Variants in SEPTIN8 observed in about 807,000 individuals in gnomAD.
SEPTIN8 encodes septin-8.
A neutral mutation model predicts 53.1 loss-of-function variants in SEPTIN8; 22 were observed. That is an observed-to-expected ratio of 0.41 (90% CI 0.30 to 0.59). The LOEUF is 0.59. Ranked by LOEUF, SEPTIN8 falls within the 20% of genes least tolerant of loss-of-function variation. SEPTIN8 has a pLI of 0.24. For missense variants in SEPTIN8, 536 were observed against 638.7 expected, an observed-to-expected ratio of 0.84 and a Z score of 1.73; for synonymous variants, 228 against 248.4, an observed-to-expected ratio of 0.92 and a Z score of 0.77.
chr5:132,777,406 G>A (rs1297254585), upstream of SEPTIN8: 1 of 1,007,316 alleles, frequency 9.9e-7, no homozygotes, highest in Non-Finnish European at 1.2e-6. The surrounding 1 kb of genome is among the most constrained non-coding windows in gnomAD (Gnocchi z 4.1). Flanking sequence ...GCGGCGAGGC[G>A]GGAGGTGCCA....
intron 1 of SEPTIN8, among the ~76,000 whole-genome samples, chr5:132,767,587 T>C (rs933956379): frequency 6.6e-6 from 1 of 152,136 alleles, no homozygotes; most frequent in African/African-American, 2.4e-5. Context: ...CTGTTCTTCC[T>C]TCCCTCCCAT....
At chr5:132,779,701 C>T (rs929753487), upstream of SEPTIN8, among the ~76,000 whole-genome samples, 1 of 152,182 alleles carries the variant, frequency 6.6e-6, no homozygotes, top group African/African-American at 2.4e-5. Flanking sequence ...AAAGACCCTT[C>T]CCTAACTTCA....
chr5:132,754,071 G>T (rs950523263), intron 9 of SEPTIN8: 1 of 172,534 alleles, frequency 5.8e-6, no homozygotes, highest in Middle Eastern at 2.5e-3. Context: ...TACTATAATT[G>T]TCTATATTAT....
At chr5:132,766,189 G>A (rs1021366481) in intron 1 of SEPTIN8, among the ~76,000 whole-genome samples, 2 of 152,328 alleles carry the variant, frequency 1.3e-5, no homozygotes, top group Admixed American at 6.5e-5. Flanking sequence ...TCAGGGGTGG[G>A]TTTCAAAGGG....
intron 9 of SEPTIN8, chr5:132,758,346 C>A: frequency 7.2e-7 from 1 of 1,395,566 alleles, no homozygotes. Context: ...TAAAATTAAG[C>A]TGTAGGTTAG....
intron 9 of SEPTIN8, chr5:132,757,264 T>A: frequency 1.0e-6 from 1 of 985,436 alleles, no homozygotes; most frequent in Non-Finnish European, 1.2e-6. Flanking sequence ...CATAAAAAGT[T>A]GAATTGTCAC....
Position 132,761,704 on chromosome 5 carries a change from G to A in SEPTIN8, c.794-78C>T. The A allele has an allele frequency of 2.5e-6, 4 of 1,589,974 alleles. No individual in the cohort carries two copies. In the South Asian group the frequency reaches 4.6e-5, roughly 18 times the overall value. On this transcript the variant is annotated intron_variant, in intron 6 of 9. Coordinates refer to ENST00000378719, the MANE Select transcript of SEPTIN8 (RefSeq NM_001098811.2). The surrounding 1 kb of genome is among the most constrained non-coding windows in gnomAD (Gnocchi z 5.8). ...CCAGAGTCAGGGTAGGCACGCAGGT[G>A]GGCATGAGGAGGAAACAGCACAGGG...
rs1164794449 is a variant in SEPTIN8 at position 132,751,250 on chromosome 5, T to C, written c.*766A>G. 9.9e-6 allele frequency: 4 copies of C among 403,774 alleles called. No individual in the cohort carries two copies. The highest frequency in any genetic ancestry group is 6.1e-5 in the African/African-American group (3 of 48,942). 25.0% of individuals were successfully genotyped at this position (403,774 alleles called of 1,614,324 possible). A position where few individuals can be genotyped will look rare whatever the true frequency, so the allele number is the denominator to read the frequency against. On this transcript the variant is annotated 3_prime_UTR_variant, in exon 10 of 10. Transcript: ENST00000378719. ...AGATTTTTAGACGGCACTATTATGG[T>C]GAGTTTCTCTTTTAAATACACACTG...
Position 132,752,054 on chromosome 5 carries a change from G to A in SEPTIN8, c.1414C>T (p.Leu472=). 1 of 1,610,312 alleles carries A rather than the reference G, an allele frequency of 6.2e-7. No homozygotes were observed. The highest frequency in any genetic ancestry group is 8.5e-7 in the Non-Finnish European group (1 of 1,178,432). ...WWPAIQCCSC[L]VRDATWREGF... The stretch of plus-strand genomic sequence containing the variant: ...TCCCTCCACGTCGCATCCCTGACCA[G>A]GCAGCTGCAGCACTGTATGGCGGGC... The change falls in exon 10 of 10, where the codon CTG becomes TTG. Residue 472 remains leucine, a synonymous_variant. Coordinates refer to ENST00000378719, the MANE Select transcript of SEPTIN8 (RefSeq NM_001098811.2).
In SEPTIN8 at chr5:132,751,031, A is replaced by C; in HGVS notation, c.*985T>G. ...GGAGGTGTTTACAGAGTCTACCCTA[A>C]ACTCGTTTGTGCCTTTGGAACAGCT... On this transcript the variant is annotated 3_prime_UTR_variant, in exon 10 of 10. Coordinates refer to ENST00000378719, the MANE Select transcript of SEPTIN8 (RefSeq NM_001098811.2). 6.2e-7 allele frequency: 1 copy of C among 1,606,198 alleles called. No individual in the cohort carries two copies. The highest frequency in any genetic ancestry group is 8.5e-7 in the Non-Finnish European group (1 of 1,177,100).
Position 132,777,170 on chromosome 5 carries a change from C to T in SEPTIN8, c.-33G>A. The T allele has an allele frequency of 8.6e-7, 1 of 1,165,830 alleles. No homozygotes were observed. Among genetic ancestry groups the T allele is most frequent in the Non-Finnish European group, 1.1e-6 (1 of 944,884 alleles). The allele number at this position is 1,165,830 out of a possible 1,614,324, so 72.2% of individuals were successfully genotyped here. ...TCCGCACCGGGCGGGTGGGCTGGGA[C>T]GAGCGCAGGGGCAGCGACAGGGACC... On this transcript the variant is annotated 5_prime_UTR_variant, in exon 1 of 10. Transcript: ENST00000378719. The surrounding 1 kb of genome is among the most constrained non-coding windows in gnomAD (Gnocchi z 4.1).
At chr5:132,777,835 G>C (rs889122091), upstream of SEPTIN8, 1 of 985,494 alleles carries the variant, frequency 1.0e-6, no homozygotes, top group Non-Finnish European at 1.2e-6. This position sits in a 1 kb window ranked among gnomAD's most constrained non-coding sequence, Gnocchi z 4.1. Flanking sequence ...CCGGGCAAGG[G>C]ACCAGCCTTC....
chr5:132,770,428 C>T (rs1053506095), intron 1 of SEPTIN8, among the ~76,000 whole-genome samples: 18 of 151,974 alleles, frequency 1.2e-4, no homozygotes, highest in Admixed American at 7.9e-4. Context: ...GATCCACCTG[C>T]GTTGGCCTCC....
At chr5:132,772,993 G>A (rs28618142) in intron 1 of SEPTIN8, among the ~76,000 whole-genome samples, 8,648 of 152,248 alleles carry the variant, frequency 0.057, 814 homozygotes, top group African/African-American at 0.2. Flanking sequence ...TGAAAGCCGT[G>A]TATCCTGAGG....
rs143338609 is a variant in SEPTIN8 at position 132,752,154 on chromosome 5, C to T, written c.1314G>A (p.Pro438=). The T allele has an allele frequency of 2.9e-5, 46 of 1,592,394 alleles. No individual in the cohort carries two copies. Among genetic ancestry groups the T allele is most frequent in the East Asian group, 1.1e-4 (5 of 44,364 alleles). ...KNRSDIGAHQ[P]GMSLSSSKVM... is the part of the protein sequence containing the mutation. ...CCTTAGAGCTGGAGAGGCTCATGCCCGGCTGGTGTGCTCCTATATCTGATC... is the reference window on the plus strand; with the variant it reads ...CCTTAGAGCTGGAGAGGCTCATGCCTGGCTGGTGTGCTCCTATATCTGATC... The change falls in exon 10 of 10, where the codon CCG becomes CCA. Residue 438 remains proline, a synonymous_variant. Transcript: ENST00000378719.
Position 132,764,221 on chromosome 5 carries a change from T to C in SEPTIN8, c.347+3A>G, listed in dbSNP as rs770968195. 3 of 1,609,050 alleles carry C rather than the reference T, an allele frequency of 1.9e-6. No individual in the cohort carries two copies. The highest frequency in any genetic ancestry group is 2.5e-6 in the Non-Finnish European group (3 of 1,176,798). ...GGGTGGGGCCGCCCTTCCCGCCTCT[T>C]GCCTCTCATCCTTATTGATCTGATC... On this transcript the variant is annotated splice_donor_region_variant and intron_variant, in intron 3 of 9. Transcript: ENST00000378719.
Position 132,751,907 on chromosome 5 carries a change from C to T in SEPTIN8, c.*109G>A, listed in dbSNP as rs1032716070. On this transcript the variant is annotated 3_prime_UTR_variant, in exon 10 of 10. Coordinates refer to ENST00000378719, the MANE Select transcript of SEPTIN8 (RefSeq NM_001098811.2). ...AATTTAAATTGTTTGCACTTTTGATCATTGATATAGGAAAAGTATGGCGTT... is the reference window on the plus strand; with the variant it reads ...AATTTAAATTGTTTGCACTTTTGATTATTGATATAGGAAAAGTATGGCGTT... 2.6e-6 allele frequency: 4 copies of T among 1,526,114 alleles called. No individual in the cohort carries two copies. In the African/African-American group the frequency reaches 5.5e-5, roughly 21 times the overall value. The allele number at this position is 1,526,114 out of a possible 1,614,324, so 94.5% of individuals were successfully genotyped here. A position where few individuals can be genotyped will look rare whatever the true frequency, so the allele number is the denominator to read the frequency against.
chr5:132,767,436 AAGC>A (rs1378018407), intron 1 of SEPTIN8, among the ~76,000 whole-genome samples: 2 of 152,018 alleles, frequency 1.3e-5, no homozygotes, highest in African/African-American at 4.8e-5. Context: ...CCTGGCCCCC[AAGC>A]ACTTACGTTC....
chr5:132,758,417 G>A lies in SEPTIN8; in HGVS notation c.1286+2385C>T, dbSNP rs1475414387. ...AGCATGTATACCAGACCACGCAGCTGCACCTAGGGCACCACGTGAGTTGCC... is the reference window on the plus strand; with the variant it reads ...AGCATGTATACCAGACCACGCAGCTACACCTAGGGCACCACGTGAGTTGCC... On this transcript the variant is annotated intron_variant, in intron 9 of 9. Coordinates refer to ENST00000378719, the MANE Select transcript of SEPTIN8 (RefSeq NM_001098811.2). The A allele has an allele frequency of 3.2e-6, 5 of 1,554,840 alleles. No homozygotes were observed. The African/African-American group carries it at 5.5e-5, about 17-fold the overall frequency.
Sources: allele counts gnomAD v4.1 joint callset (sites outside exome capture counted in the v4.1 genomes callset), GRCh38; gene constraint gnomAD v4.1.1; non-coding constraint Gnocchi (gnomAD v3.1); transcripts MANE v1.5; gene names NCBI Gene and HGNC (gene_info 2026-07-23, HGNC 2026-07-21).